The following SPATA13 variants were observed in gnomAD, a reference collection of about 807,000 sequenced individuals.
SPATA13 encodes the protein spermatogenesis associated 13.
Under a neutral mutation model 104.0 loss-of-function variants are expected in SPATA13, and 50 were observed. That is an observed-to-expected ratio of 0.48 (90% CI 0.38 to 0.61). The LOEUF (loss-of-function observed/expected upper bound fraction) is 0.61, where lower values mean the gene tolerates loss of function less well. Among genes scored for constraint, SPATA13 ranks in the 20% least tolerant of loss-of-function variants. The pLI, the probability that SPATA13 is intolerant of heterozygous loss-of-function variation, is 0.00. For missense variants in SPATA13, 1,524 were observed against 1,690.6 expected (o/e 0.90, Z 1.73); for synonymous variants, 606 against 667.5 (o/e 0.91, Z 1.42).
At chr13:24,251,576 G>T in intron 3 of SPATA13, 142 bp from the exon 4 acceptor site, 1 of 1,498,692 alleles carries the variant, frequency 6.7e-7, no homozygotes, top group Non-Finnish European at 8.9e-7. Flanking sequence ...GGGCTTCGGT[G>T]CAGCCTGCAA....
At chr13:23,999,448 G>C (rs930320566) in intron 2 of SPATA13, among the ~76,000 whole-genome samples, 2 of 147,208 alleles carry the variant, frequency 1.4e-5, no homozygotes, top group African/African-American at 5.0e-5. Flanking sequence ...GAGAAGATTT[G>C]GCATATTAAC....
At chr13:23,981,063 A>C (rs527723561) in intron 1 of SPATA13, among the ~76,000 whole-genome samples, 68 of 152,342 alleles carry the variant, frequency 4.5e-4, no homozygotes, top group Non-Finnish European at 7.3e-4. Context: ...TTGCAAAAGA[A>C]AAATATATAA....
intron 3 of SPATA13, among the ~76,000 whole-genome samples, chr13:24,020,945 G>A (rs936630147): frequency 6.6e-6 from 1 of 152,178 alleles, no homozygotes; most frequent in Non-Finnish European, 1.5e-5. Flanking sequence ...AGGAGGCTGA[G>A]GCAGATAATT....
At chr13:24,293,022 A>AAAATGG (rs35053977) in intron 9 of SPATA13, among the ~76,000 whole-genome samples, 1 of 134,818 alleles carries the variant, frequency 7.4e-6, no homozygotes, top group Non-Finnish European at 1.7e-5. Context: ...AAAAAAAAAA[A>AAAATGG]GGCGAGGGTG....
chr13:23,987,511 A>C (rs1593258734), intron 2 of SPATA13, among the ~76,000 whole-genome samples: 1 of 152,240 alleles, frequency 6.6e-6, no homozygotes, highest in East Asian at 1.9e-4. Flanking sequence ...GTTTATATTT[A>C]GCCAACATAG....
At chr13:24,217,947 G>A (rs1397407458) in intron 1 of SPATA13, among the ~76,000 whole-genome samples, 1 of 152,244 alleles carries the variant, frequency 6.6e-6, no homozygotes, top group Non-Finnish European at 1.5e-5. Context: ...TCAGGAATCT[G>A]GGAATTGTGG....
At chr13:24,059,056 C>CT (rs1878680412) in intron 3 of SPATA13, among the ~76,000 whole-genome samples, 1 of 151,746 alleles carries the variant, frequency 6.6e-6, no homozygotes, top group South Asian at 2.1e-4. Flanking sequence ...ACTACAAGCT[C>CT]TGCCTCCTGG....
chr13:24,207,021 T>C (rs1870740707), intron 1 of SPATA13, among the ~76,000 whole-genome samples: 1 of 152,158 alleles, frequency 6.6e-6, no homozygotes, highest in African/African-American at 2.4e-5. Context: ...GTATACACCA[T>C]GGAATACTAT....
At chr13:24,265,641 C>T (rs913157409) in intron 4 of SPATA13, among the ~76,000 whole-genome samples, 6 of 152,088 alleles carry the variant, frequency 3.9e-5, no homozygotes, top group Admixed American at 6.6e-5. Context: ...CATTCCAGCC[C>T]GTGGCAGCCT....
chr13:24,087,291 C>G (rs1441675569), intron 3 of SPATA13, among the ~76,000 whole-genome samples: 2 of 152,256 alleles, frequency 1.3e-5, no homozygotes, highest in African/African-American at 4.8e-5. Context: ...GCAAAGCCTG[C>G]TACCCACCCC....
intron 4 of SPATA13, among the ~76,000 whole-genome samples, chr13:24,265,230 C>T (rs1874245737): frequency 6.6e-6 from 1 of 152,218 alleles, no homozygotes; most frequent in African/African-American, 2.4e-5. Context: ...TGAACTGAGC[C>T]TGCCTTTGCC....
intron 3 of SPATA13, among the ~76,000 whole-genome samples, chr13:24,116,410 A>G (rs1357500075): frequency 6.6e-6 from 1 of 152,114 alleles, no homozygotes; most frequent in African/African-American, 2.4e-5. Flanking sequence ...ATTGGGGGAC[A>G]TATACATTGA....
At chr13:24,154,915 TA>T (rs1422965257) in intron 3 of SPATA13, among the ~76,000 whole-genome samples, 8 of 152,214 alleles carry the variant, frequency 5.3e-5, no homozygotes, top group African/African-American at 1.9e-4. Context: ...TGGAGTGCAA[TA>T]GCATGATCTT....
intron 4 of SPATA13, among the ~76,000 whole-genome samples, chr13:24,263,383 C>T (rs944103102): frequency 3.9e-5 from 6 of 152,304 alleles, no homozygotes; most frequent in South Asian, 2.1e-4. Context: ...AGCCTTGCCA[C>T]GTTCCCTTCT....
Position 24,011,932 on chromosome 13 carries a change from G to A in SPATA13, c.-146-5735G>A, listed in dbSNP as rs984721095. On this transcript the variant is annotated intron_variant, in intron 2 of 14. Transcript: ENST00000424834. This position sits in a 1 kb window ranked among gnomAD's most constrained non-coding sequence, Gnocchi z 4.3. ...TTAAACTTGCAGCGGAGGCTTCAAT[G>A]TGCACCTCCGCCTCCCCCTACGGAT... Among the ~76,000 whole-genome samples, 3 of 152,202 alleles carry A rather than the reference G, an allele frequency of 2.0e-5. No individual in the cohort carries two copies. The highest frequency in any genetic ancestry group is 2.9e-5 in the Non-Finnish European group (2 of 68,030).
At chr13:24,005,630 G>A (rs1432221510) in intron 2 of SPATA13, among the ~76,000 whole-genome samples, 1 of 152,068 alleles carries the variant, frequency 6.6e-6, no homozygotes, top group Non-Finnish European at 1.5e-5. Flanking sequence ...AGGGATGGGG[G>A]AGATCTGAGT....
intron 3 of SPATA13, among the ~76,000 whole-genome samples, chr13:24,069,772 T>A (rs1187280831): frequency 6.6e-6 from 1 of 152,238 alleles, no homozygotes; most frequent in Non-Finnish European, 1.5e-5. Context: ...ATTCTGTTAT[T>A]CATGTAATAT....
chr13:24,015,121 T>G (rs986562594), intron 2 of SPATA13, among the ~76,000 whole-genome samples: 1 of 152,170 alleles, frequency 6.6e-6, no homozygotes, highest in Non-Finnish European at 1.5e-5. Context: ...CTTGATTTCC[T>G]GACCTCATGA....
At chr13:23,980,908 A>AC (rs1234560359) in intron 1 of SPATA13, among the ~76,000 whole-genome samples, 3 of 152,200 alleles carry the variant, frequency 2.0e-5, no homozygotes, top group African/African-American at 7.2e-5. Flanking sequence ...GTTTTTTAAA[A>AC]AATACGTTGT....
Sources: gnomAD v4.1 joint callset for allele counts (sites outside exome capture counted in the v4.1 genomes callset) on GRCh38, gnomAD v4.1.1 for gene constraint, Gnocchi (gnomAD v3.1) non-coding constraint, MANE v1.5 for transcripts, NCBI Gene and HGNC (gene_info 2026-07-23, HGNC 2026-07-21) for gene names.